The following SMAD2 variants were observed in gnomAD, a reference collection of about 807,000 sequenced individuals.
The protein encoded by SMAD2 is SMAD family member 2.
In SMAD2, 8 loss-of-function variants were observed where a neutral mutation model predicts 64.4. The ratio of observed to expected loss-of-function variants is 0.12; its 90% CI spans 0.07 to 0.22. The LOEUF (loss-of-function observed/expected upper bound fraction) is 0.22. SMAD2 is among the 10% of genes least tolerant of loss of function. The pLI, the probability that SMAD2 is intolerant of heterozygous loss-of-function variation, is 1.00. For synonymous variants in SMAD2, 203 were observed against 195.8 expected, an observed-to-expected ratio of 1.04 and a Z score of -0.31; for missense variants, 289 against 561.2, an observed-to-expected ratio of 0.51 and a Z score of 4.90.
chr18:47,812,235 G>T lies in SMAD2; in HGVS notation c.*29592C>A, dbSNP rs1030432968. Reference sequence around the variant, plus strand: ...GTGAATAAGTCTCACGAGATCTGATGGTTTTATAAAGGGGAGTTCCCCTAC... The same window carrying T: ...GTGAATAAGTCTCACGAGATCTGATTGTTTTATAAAGGGGAGTTCCCCTAC... On this transcript the variant is annotated 3_prime_UTR_variant, in exon 11 of 11. Coordinates refer to ENST00000262160, the MANE Select transcript of SMAD2 (RefSeq NM_005901.6). 2.0e-5 allele frequency: 3 copies of T among 152,124 alleles called. No individual in the cohort carries two copies. The highest frequency in any genetic ancestry group is 7.2e-5 in the African/African-American group (3 of 41,424). 9.4% of individuals were successfully genotyped at this position (152,124 alleles called of 1,614,324 possible).
chr18:47,843,931 A>G (rs1914222695), intron 10 of SMAD2, among the ~76,000 whole-genome samples: 1 of 151,384 alleles, frequency 6.6e-6, no homozygotes. Flanking sequence ...CTAAATTCCT[A>G]CCATATTTTG....
At chr18:47,851,754 CAATT>C (rs150740469) in intron 6 of SMAD2, among the ~76,000 whole-genome samples, 2,532 of 152,186 alleles carry the variant, frequency 0.017, 65 homozygotes, top group African/African-American at 0.057. Context: ...ATCTACATAT[CAATT>C]AGTCACATAA....
rs1912248209 is a variant in SMAD2 at position 47,812,853 on chromosome 18, T to C, written c.*28974A>G. On this transcript the variant is annotated 3_prime_UTR_variant, in exon 11 of 11. Coordinates refer to ENST00000262160, the MANE Select transcript of SMAD2 (RefSeq NM_005901.6). Reference sequence around the variant, plus strand: ...ATCTCATGAACATCCAAGTACCACTTCTTGTAGGAAGCAGGGGTAACTTTC... The same window carrying C: ...ATCTCATGAACATCCAAGTACCACTCCTTGTAGGAAGCAGGGGTAACTTTC... 1 of 152,314 alleles carries C rather than the reference T, an allele frequency of 6.6e-6. No individual in the cohort carries two copies. The highest frequency in any genetic ancestry group is 2.4e-5 in the African/African-American group (1 of 41,552). 9.4% of individuals were successfully genotyped at this position (152,314 alleles called of 1,614,324 possible). A position where few individuals can be genotyped will look rare whatever the true frequency, so the allele number is the denominator to read the frequency against.
chr18:47,875,529 A>G (rs750914427), intron 2 of SMAD2, among the ~76,000 whole-genome samples: 10 of 152,198 alleles, frequency 6.6e-5, no homozygotes, highest in African/African-American at 2.2e-4. Context: ...AGGTATGGCC[A>G]GTTTCTAAAA....
chr18:47,849,746 G>C (rs184073560), intron 7 of SMAD2, among the ~76,000 whole-genome samples: 24 of 152,062 alleles, frequency 1.6e-4, no homozygotes, highest in African/African-American at 5.8e-4. Context: ...GATGGCTCAC[G>C]CCTGTAATCC....
Position 47,809,325 on chromosome 18 carries a change from A to G in SMAD2, c.*32502T>C, listed in dbSNP as rs1383489457. ...GGCAGATGCCAGCTGGTGGTAAAGG[A>G]ATGACAGTTTTCCAGGCCAGAGCAA... On this transcript the variant is annotated 3_prime_UTR_variant, in exon 11 of 11. Coordinates refer to ENST00000262160, the MANE Select transcript of SMAD2 (RefSeq NM_005901.6). The G allele has an allele frequency of 6.6e-6, 1 of 152,452 alleles. No homozygotes were observed. The highest frequency in any genetic ancestry group is 1.5e-5 in the Non-Finnish European group (1 of 68,252). 9.4% of individuals were successfully genotyped at this position (152,452 alleles called of 1,614,324 possible). A position where few individuals can be genotyped will look rare whatever the true frequency, so the allele number is the denominator to read the frequency against.
At chr18:47,916,689 TGGTATA>T (rs2034350740) in intron 1 of SMAD2, among the ~76,000 whole-genome samples, 1 of 152,220 alleles carries the variant, frequency 6.6e-6, no homozygotes, top group South Asian at 2.1e-4. Context: ...ATGCCCCGCC[TGGTATA>T]GGTATATTTC....
chr18:47,818,817 G>A lies in SMAD2; in HGVS notation c.*23010C>T, dbSNP rs1364291594. The A allele has an allele frequency of 1.3e-5, 2 of 152,218 alleles. No individual in the cohort carries two copies. Among genetic ancestry groups the A allele is most frequent in the Non-Finnish European group, 2.9e-5 (2 of 68,046 alleles). 9.4% of individuals were successfully genotyped at this position (152,218 alleles called of 1,614,324 possible). On this transcript the variant is annotated 3_prime_UTR_variant, in exon 11 of 11. Coordinates refer to ENST00000262160, the MANE Select transcript of SMAD2 (RefSeq NM_005901.6). The stretch of plus-strand genomic sequence containing the variant: ...TATTTACCAAAACTTTTGGTTCACA[G>A]CTTTCATAAGATTACCTATTCTGCA...
In SMAD2 at chr18:47,919,169, C is replaced by T. The variant is rs114922914; in HGVS notation, c.-54+11192G>A. On this transcript the variant is annotated intron_variant, in intron 1 of 10. Transcript: ENST00000262160. ...TATACTGTAAACAAAGTCAAGAGAG[C>T]AATGGCTTCGTAATTCTGGGCTTCA... is the stretch of plus-strand genomic sequence containing the variant. Among the ~76,000 whole-genome samples the T allele has an allele frequency of 7.3e-3, 1,110 of 152,080 alleles. 9 individuals are homozygous for T. The highest frequency in any genetic ancestry group is 0.025 in the African/African-American group (1,045 of 41,478).
intron 1 of SMAD2, among the ~76,000 whole-genome samples, chr18:47,909,923 A>C (rs2034057302): frequency 6.6e-6 from 1 of 152,202 alleles, no homozygotes; most frequent in African/African-American, 2.4e-5. Flanking sequence ...AGGACCTTTA[A>C]GGCTCATTAC....
At position 47,845,760 on chromosome 18, in the gene SMAD2, A is replaced by G. The variant is rs1375785206; in HGVS notation, c.1038T>C (p.Phe346=). 1 of 1,613,820 alleles carries G rather than the reference A, an allele frequency of 6.2e-7. No homozygotes were observed. Among genetic ancestry groups the G allele is most frequent in the Admixed American group, 1.7e-5 (1 of 60,010 alleles). ...TTGCACTATCACTTAGGCACTCAGC[A>G]AAAACTTCCCCACCTATGTAGTATA... ...VRLYYIGGEV[F]AECLSDSAIF... Residue 346 remains phenylalanine (F), a synonymous_variant, in exon 9 of 11, where the codon TTT becomes TTC. Transcript: ENST00000262160.
rs1414322600 is a variant in SMAD2, at chr18:47,836,792, A to AT, written c.*5034dup. On this transcript the variant is annotated 3_prime_UTR_variant, in exon 11 of 11. Transcript: ENST00000262160. ...ATCATGAGGCTATCTAGTATAGCTC[A>AT]TATTTCCTGGTTGTAAGGCTCAAAA... 4.6e-6 allele frequency: 1 copy of AT among 219,002 alleles called. No homozygotes were observed. The highest frequency in any genetic ancestry group is 2.2e-5 in the African/African-American group (1 of 44,456). The allele number at this position is 219,002 out of a possible 1,614,324, so 13.6% of individuals were successfully genotyped here.
chr18:47,870,369 G>A (rs1452470939), intron 3 of SMAD2, 106 bp downstream of exon 3: 7 of 800,362 alleles, frequency 8.7e-6, no homozygotes, highest in Non-Finnish European at 1.3e-5. Context: ...TTTACATTAA[G>A]GAAACATCCT....
chr18:47,850,232 T>TTATATATTATATATATTATGTATAA (rs1318233197), intron 7 of SMAD2, among the ~76,000 whole-genome samples: 2 of 43,478 alleles, frequency 4.6e-5, no homozygotes, highest in African/African-American at 1.8e-4. Context: ...ATAATATATA[T>TTATATATTATATATATTATGTATAA]TATATATTAT....
intron 6 of SMAD2, 87 bp from the exon 7 acceptor site, chr18:47,851,414 T>G: frequency 1.3e-6 from 1 of 796,626 alleles, no homozygotes; most frequent in Non-Finnish European, 2.2e-6. Context: ...TGGTTATAAT[T>G]ATCAACAATA....
chr18:47,840,574 T>A lies in SMAD2; in HGVS notation c.*1253A>T, dbSNP rs1028093517. 2 of 231,936 alleles carry A rather than the reference T, an allele frequency of 8.6e-6. No homozygotes were observed. Among genetic ancestry groups the A allele is most frequent in the Non-Finnish European group, 1.7e-5 (2 of 117,316 alleles). 14.4% of individuals were successfully genotyped at this position (231,936 alleles called of 1,614,324 possible). On this transcript the variant is annotated 3_prime_UTR_variant, in exon 11 of 11. Coordinates refer to ENST00000262160, the MANE Select transcript of SMAD2 (RefSeq NM_005901.6). ...TTCATAATTATGTGTAGAATAACAA[T>A]CAATTTATAAACTGAATACAACATA...
In SMAD2 at chr18:47,840,117, C is replaced by A. The variant is rs1222750717; in HGVS notation, c.*1710G>T. 1 of 233,024 alleles carries A rather than the reference C, an allele frequency of 4.3e-6. No homozygotes were observed. Among genetic ancestry groups the A allele is most frequent in the Non-Finnish European group, 8.5e-6 (1 of 117,962 alleles). The allele number at this position is 233,024 out of a possible 1,614,324, so 14.4% of individuals were successfully genotyped here. A position where few individuals can be genotyped will look rare whatever the true frequency, so the allele number is the denominator to read the frequency against. On this transcript the variant is annotated 3_prime_UTR_variant, in exon 11 of 11. Transcript: ENST00000262160. ...ATAAAAAATTACTATACCAAATTTACATGAACACATACATATACACACAAA... is the reference window on the plus strand; with the variant it reads ...ATAAAAAATTACTATACCAAATTTAAATGAACACATACATATACACACAAA...
In SMAD2 at chr18:47,921,692, T is replaced by C. The variant is rs556245583; in HGVS notation, c.-54+8669A>G. 1.8e-4 allele frequency among the ~76,000 whole-genome samples: 28 copies of C among 152,350 alleles called. No individual in the cohort carries two copies. The South Asian group carries it at 3.3e-3, about 18-fold the overall frequency. The stretch of plus-strand genomic sequence containing the variant: ...GTTCCCACAGTTCTGTCTCCTTTCA[T>C]TGAATGGCATTATAACCTCAGCCCC... On this transcript the variant is annotated intron_variant, in intron 1 of 10. Coordinates refer to ENST00000262160, the MANE Select transcript of SMAD2 (RefSeq NM_005901.6).
At chr18:47,868,060 TTTC>T (rs1238078800) in intron 5 of SMAD2, among the ~76,000 whole-genome samples, 1 of 152,164 alleles carries the variant, frequency 6.6e-6, no homozygotes, top group Non-Finnish European at 1.5e-5. Context: ...ACTAAGATCT[TTTC>T]TTTTCTGCTT....
Sources: allele counts gnomAD v4.1 joint callset (sites outside exome capture counted in the v4.1 genomes callset), GRCh38; gene constraint gnomAD v4.1.1; transcripts MANE v1.5; gene names NCBI Gene and HGNC (gene_info 2026-07-23, HGNC 2026-07-21).